The following PLEKHA5 variants were observed in gnomAD, a reference collection of about 807,000 sequenced individuals.
The protein encoded by PLEKHA5 is pleckstrin homology domain-containing family A member 5.
In PLEKHA5, 55 loss-of-function variants were observed where a neutral mutation model predicts 181.9. That is an observed-to-expected ratio of 0.30 (90% CI 0.24 to 0.38). The LOEUF (loss-of-function observed/expected upper bound fraction) is 0.38. PLEKHA5 is among the 10% of genes least tolerant of loss of function. PLEKHA5 has a pLI of 1.00. For missense variants in PLEKHA5, 1,432 were observed against 1,549.5 expected (o/e 0.92, Z 1.27); for synonymous variants, 535 against 529.4 (o/e 1.01, Z -0.15).
intron 3 of PLEKHA5, among the ~76,000 whole-genome samples, chr12:19,167,679 T>C (rs1196822403): frequency 6.6e-6 from 1 of 152,168 alleles, no homozygotes; most frequent in Non-Finnish European, 1.5e-5. Context: ...TGAGTGAACA[T>C]AGACATGGTC....
Position 19,358,433 on chromosome 12 carries a change from C to T in PLEKHA5, c.3344C>T (p.Thr1115Ile). 4.4e-6 allele frequency: 7 copies of T among 1,588,050 alleles called. No individual in the cohort carries two copies. Among genetic ancestry groups the T allele is most frequent in the Non-Finnish European group, 6.1e-6 (7 of 1,156,806 alleles). ...TTAAGGGATAATCCATTTAGGACTA[C>T]TCAGGTATATGAATTGCATTTGATT... ...SNLRDNPFRT[T>I]QTRRRDDKEL... Residue 1115 changes from threonine (T) to isoleucine (I), a missense_variant, in exon 27 of 32, where the codon ACT becomes ATT. Physicochemically the swap from Thr to Ile is moderately conservative, Grantham distance 89. Coordinates refer to ENST00000429027, the MANE Select transcript of PLEKHA5 (RefSeq NM_001256470.2).
At chr12:19,202,398 T>C (rs2054393333) in intron 3 of PLEKHA5, among the ~76,000 whole-genome samples, 1 of 152,094 alleles carries the variant, frequency 6.6e-6, no homozygotes. Flanking sequence ...ACTCATAAGT[T>C]GAAAGGCTGT....
intron 3 of PLEKHA5, among the ~76,000 whole-genome samples, chr12:19,174,585 G>T (rs1224299707): frequency 1.3e-5 from 2 of 152,152 alleles, no homozygotes; most frequent in Non-Finnish European, 1.5e-5. Context: ...CTTGGAAGCA[G>T]GCGTAGGGAC....
chr12:19,200,389 A>G lies in PLEKHA5; in HGVS notation c.228-53551A>G, dbSNP rs965986306. ...ATGTAATGGAAGTTCCAGTATCTGT[A>G]TGCAGGCCTATGACTAGCTTCACTT... is the stretch of plus-strand genomic sequence containing the variant. On this transcript the variant is annotated intron_variant, in intron 3 of 31. Coordinates refer to ENST00000429027, the MANE Select transcript of PLEKHA5 (RefSeq NM_001256470.2). 1.3e-5 allele frequency: 20 copies of G among 1,524,712 alleles called. No homozygotes were observed. In the East Asian group the frequency reaches 2.0e-4, roughly 15 times the overall value. The allele number at this position is 1,524,712 out of a possible 1,614,324, so 94.4% of individuals were successfully genotyped here. A position where few individuals can be genotyped will look rare whatever the true frequency, so the allele number is the denominator to read the frequency against.
intron 12 of PLEKHA5, among the ~76,000 whole-genome samples, chr12:19,286,380 G>T (rs2077214947): frequency 6.6e-6 from 1 of 152,082 alleles, no homozygotes; most frequent in Admixed American, 6.6e-5. Context: ...TCAGTTTTTT[G>T]AGCTATAGCG....
intron 15 of PLEKHA5, among the ~76,000 whole-genome samples, chr12:19,311,037 A>G (rs915349061): frequency 6.6e-6 from 1 of 152,152 alleles, no homozygotes; most frequent in African/African-American, 2.4e-5. Flanking sequence ...ATAAGACAAC[A>G]GTGAAGTTTG....
chr12:19,289,141 G>T (rs202016270), intron 13 of PLEKHA5, among the ~76,000 whole-genome samples: 1 of 152,134 alleles, frequency 6.6e-6, no homozygotes, highest in East Asian at 1.9e-4. Context: ...TGGCATCAGA[G>T]CAAAAGCAAC....
intron 3 of PLEKHA5, among the ~76,000 whole-genome samples, chr12:19,214,235 AG>A (rs80153203): frequency 0.047 from 7,208 of 152,262 alleles, 324 homozygotes; most frequent in East Asian, 0.2. Context: ...TAGGAAAACC[AG>A]GAGAGGGGAG....
At chr12:19,233,880 T>A (rs569714611) in intron 3 of PLEKHA5, among the ~76,000 whole-genome samples, 1 of 152,284 alleles carries the variant, frequency 6.6e-6, no homozygotes, top group East Asian at 1.9e-4. Context: ...GATTTAGGAT[T>A]CCCCTTGATT....
chr12:19,367,070 A>G (rs2095442853), intron 30 of PLEKHA5, among the ~76,000 whole-genome samples: 1 of 151,838 alleles, frequency 6.6e-6, no homozygotes, highest in Non-Finnish European at 1.5e-5. Flanking sequence ...TATTTGTAGT[A>G]CAGATGGGGG....
Position 19,343,304 on chromosome 12 carries a change from T to C in PLEKHA5, c.2551-19T>C, listed in dbSNP as rs553406087. The C allele has an allele frequency of 7.4e-6, 11 of 1,480,234 alleles. No homozygotes were observed. In the South Asian group the frequency reaches 1.0e-4, roughly 14 times the overall value. The allele number at this position is 1,480,234 out of a possible 1,614,324, so 91.7% of individuals were successfully genotyped here. A position where few individuals can be genotyped will look rare whatever the true frequency, so the allele number is the denominator to read the frequency against. On this transcript the variant is annotated intron_variant, in intron 21 of 31. Coordinates refer to ENST00000429027, the MANE Select transcript of PLEKHA5 (RefSeq NM_001256470.2). The stretch of plus-strand genomic sequence containing the variant: ...ATGATTTTTTTTCTTATATATGGTC[T>C]ATCCATTTTTACTGATAGACGGAAT...
At chr12:19,187,223 T>G (rs899701615) in intron 3 of PLEKHA5, among the ~76,000 whole-genome samples, 1 of 152,204 alleles carries the variant, frequency 6.6e-6, no homozygotes, top group Non-Finnish European at 1.5e-5. Flanking sequence ...GATTGCAAAG[T>G]GTTTTCCTAT....
At chr12:19,352,976 C>T (rs2094690520) in intron 25 of PLEKHA5, among the ~76,000 whole-genome samples, 1 of 144,156 alleles carries the variant, frequency 6.9e-6, no homozygotes, top group Admixed American at 7.1e-5. Flanking sequence ...TTTTTGGAGA[C>T]AGGGTCTCAC....
intron 3 of PLEKHA5, among the ~76,000 whole-genome samples, chr12:19,167,560 C>T (rs1322597781): frequency 6.6e-6 from 1 of 151,858 alleles, no homozygotes; most frequent in African/African-American, 2.4e-5. Flanking sequence ...GTGTTATCCA[C>T]ATTTTTTTAT....
chr12:19,364,675 T>C (rs546108199), intron 29 of PLEKHA5, among the ~76,000 whole-genome samples: 2 of 152,016 alleles, frequency 1.3e-5, no homozygotes, highest in East Asian at 3.9e-4. Context: ...GTTTGTTTTT[T>C]TTTTGAGACG....
At position 19,330,439 on chromosome 12, in the gene PLEKHA5, A is replaced by G. The variant is rs146272058; in HGVS notation, c.2449-6076A>G. On this transcript the variant is annotated intron_variant, in intron 20 of 31. Coordinates refer to ENST00000429027, the MANE Select transcript of PLEKHA5 (RefSeq NM_001256470.2). ...CAAGTCGAGGCTAAGTGAAAAAATA[A>G]TAATAAAACGTAAACATCTTTTTAG... Among the ~76,000 whole-genome samples the G allele has an allele frequency of 4.6e-3, 693 of 152,306 alleles. 3 individuals carry two copies. The highest frequency in any genetic ancestry group is 0.016 in the African/African-American group (659 of 41,570).
intron 29 of PLEKHA5, among the ~76,000 whole-genome samples, chr12:19,362,990 C>A (rs1246873408): frequency 6.7e-6 from 1 of 150,368 alleles, no homozygotes; most frequent in Non-Finnish European, 1.5e-5. Context: ...GCAGATTTTG[C>A]TATCTGTGGG....
At chr12:19,341,355 T>G (rs1310575417) in intron 21 of PLEKHA5, among the ~76,000 whole-genome samples, 3 of 152,178 alleles carry the variant, frequency 2.0e-5, no homozygotes, top group Non-Finnish European at 4.4e-5. Context: ...AAATTAGATT[T>G]GCATTGTATA....
At chr12:19,233,036 C>T (rs2152397536) in intron 3 of PLEKHA5, among the ~76,000 whole-genome samples, 1 of 152,206 alleles carries the variant, frequency 6.6e-6, no homozygotes, top group East Asian at 1.9e-4. Context: ...TTTCTGTAAG[C>T]TGATTTACCC....
Sources: allele counts gnomAD v4.1 joint callset (sites outside exome capture counted in the v4.1 genomes callset), GRCh38; gene constraint gnomAD v4.1.1; transcripts MANE v1.5; gene names NCBI Gene and HGNC (gene_info 2026-07-23, HGNC 2026-07-21).